CD99L2: variants seen among roughly 807,000 people sequenced by gnomAD.
CD99L2 encodes the protein CD99 molecule like 2.
CD99L2 carries 24 observed loss-of-function variants against 27.3 expected under a neutral mutation model. The ratio of observed to expected loss-of-function variants is 0.88; its 90% CI spans 0.64 to 1.24. CD99L2 has a LOEUF of 1.24. Among genes scored for constraint, CD99L2 ranks in the 50% most tolerant of loss-of-function variants. The pLI, the probability that CD99L2 is intolerant of heterozygous loss-of-function variation, is 0.00. For missense variants in CD99L2, 255 were observed against 221.6 expected (o/e 1.15, Z -0.96); for synonymous variants, 97 against 87.9 (o/e 1.10, Z -0.58).
rs1178796876 is a variant in CD99L2, at chrX:150,800,856, A to G, written c.278-5370T>C. On this transcript the variant is annotated intron_variant, in intron 4 of 10. Transcript: ENST00000370377. ...AGATCAGCCTGACCAGCATGGAGAAACCCTGTCTCTACTAAAAATATAAAA... is the reference window on the plus strand; with the variant it reads ...AGATCAGCCTGACCAGCATGGAGAAGCCCTGTCTCTACTAAAAATATAAAA... Among the ~76,000 whole-genome samples the G allele has an allele frequency of 3.6e-5, 4 of 110,269 alleles. No homozygotes were observed. The East Asian group carries it at 1.1e-3, about 31-fold the overall frequency.
At chrX:150,871,210 T>C (rs1211022902) in intron 1 of CD99L2, among the ~76,000 whole-genome samples, 1 of 111,718 alleles carries the variant, frequency 9.0e-6, no homozygotes, top group Non-Finnish European at 1.9e-5. Context: ...AGGGGAACAG[T>C]TGGTCCTTTT....
chrX:150,801,623 G>A (rs12012611), intron 4 of CD99L2, among the ~76,000 whole-genome samples: 23,341 of 104,580 alleles, frequency 0.22, 2,279 homozygotes, highest in African/African-American at 0.37. Context: ...CCTTATTAAA[G>A]AAAAAAAAAA....
chrX:150,806,541 C>A (rs2045996425), intron 4 of CD99L2, among the ~76,000 whole-genome samples: 1 of 112,425 alleles, frequency 8.9e-6, no homozygotes. Context: ...TCAGGAATAT[C>A]TATTAATTGA....
intron 1 of CD99L2, 38 bp downstream of exon 1, chrX:150,898,479 CGGGGT>C: frequency 9.5e-7 from 1 of 1,054,454 alleles, no homozygotes; most frequent in African/African-American, 2.0e-5. Context: ...GCCCACAAGG[CGGGGT>C]CCCCGCGCGG....
At chrX:150,881,530 C>T (rs1184097173) in intron 1 of CD99L2, among the ~76,000 whole-genome samples, 2 of 112,634 alleles carry the variant, frequency 1.8e-5, no homozygotes, top group South Asian at 7.3e-4. Flanking sequence ...AGTCAGTGCC[C>T]GCATCACCAT....
chrX:150,777,197 G>T, intron 8 of CD99L2: 1 of 415,944 alleles, frequency 2.4e-6, no homozygotes, highest in Non-Finnish European at 4.1e-6. Context: ...TTGCCAGGGT[G>T]AAATTCACAG....
chrX:150,889,576 T>C (rs1398110010), intron 1 of CD99L2, among the ~76,000 whole-genome samples: 1 of 111,806 alleles, frequency 8.9e-6, no homozygotes, highest in African/African-American at 3.3e-5. Context: ...GTGGAGAGTA[T>C]CACCTCTAAT....
intron 7 of CD99L2, among the ~76,000 whole-genome samples, chrX:150,779,187 A>C (rs1439463914): frequency 8.9e-6 from 1 of 112,094 alleles, no homozygotes; most frequent in African/African-American, 3.3e-5. Context: ...GAAGAAACAT[A>C]AACAGGTCGA....
chrX:150,880,007 T>C (rs2047302628), intron 1 of CD99L2, among the ~76,000 whole-genome samples: 1 of 108,024 alleles, frequency 9.3e-6, no homozygotes, highest in Non-Finnish European at 1.9e-5. Context: ...CCATCATGAG[T>C]TACCACTTCA....
intron 1 of CD99L2, among the ~76,000 whole-genome samples, chrX:150,837,091 C>T (rs892013536): frequency 4.5e-5 from 5 of 111,380 alleles, no homozygotes; most frequent in East Asian, 2.8e-4. Flanking sequence ...AACAACACTC[C>T]GTAGCAATGA....
chrX:150,772,145 C>G (rs1358780737), intron 9 of CD99L2, among the ~76,000 whole-genome samples: 1 of 112,277 alleles, frequency 8.9e-6, no homozygotes, highest in African/African-American at 3.2e-5. Context: ...GTGTTTTCAG[C>G]CACCCCACAA....
At chrX:150,788,388 G>A (rs1157957433) in intron 7 of CD99L2, among the ~76,000 whole-genome samples, 1 of 111,406 alleles carries the variant, frequency 9.0e-6, no homozygotes, top group African/African-American at 3.3e-5. Flanking sequence ...TCATGTTCTT[G>A]ATGGTTCTCT....
chrX:150,853,194 C>T (rs2046819664), intron 1 of CD99L2, among the ~76,000 whole-genome samples: 1 of 111,842 alleles, frequency 8.9e-6, no homozygotes, highest in Non-Finnish European at 1.9e-5. Flanking sequence ...CCTAGACATA[C>T]TCCAGCAAGT....
intron 2 of CD99L2, among the ~76,000 whole-genome samples, chrX:150,824,509 G>C (rs1366736745): frequency 1.0e-5 from 1 of 95,438 alleles, no homozygotes. Flanking sequence ...AGAAGAAGAA[G>C]AAGGAAGGAA....
At chrX:150,861,035 G>A (rs1396365835) in intron 1 of CD99L2, among the ~76,000 whole-genome samples, 3 of 106,645 alleles carry the variant, frequency 2.8e-5, no homozygotes, top group Non-Finnish European at 5.8e-5. Context: ...CCAGCTACTC[G>A]GGAGGCTGAG....
chrX:150,807,356 A>G (rs1199390501), intron 4 of CD99L2, among the ~76,000 whole-genome samples: 1 of 111,626 alleles, frequency 9.0e-6, no homozygotes, highest in Non-Finnish European at 1.9e-5. Flanking sequence ...GCCAAAGCAC[A>G]CCAATTGACC....
chrX:150,879,887 T>C (rs1186402282), intron 1 of CD99L2, among the ~76,000 whole-genome samples: 2 of 87,159 alleles, frequency 2.3e-5, no homozygotes, highest in Non-Finnish European at 4.2e-5. Context: ...TTGGTGCCAC[T>C]GCACTCCAGC....
chrX:150,862,226 C>T (rs2046990821), intron 1 of CD99L2, among the ~76,000 whole-genome samples: 2 of 112,160 alleles, frequency 1.8e-5, no homozygotes. Context: ...TTCTCAAGGA[C>T]ATTCCCATTC....
At chrX:150,865,830 A>C (rs2124330657) in intron 1 of CD99L2, among the ~76,000 whole-genome samples, 1 of 112,581 alleles carries the variant, frequency 8.9e-6, no homozygotes, top group East Asian at 2.8e-4. Context: ...TTAAAAACCT[A>C]ATTTAGGGGG....
Sources: gnomAD v4.1 joint callset for allele counts (sites outside exome capture counted in the v4.1 genomes callset) on GRCh38, gnomAD v4.1.1 for gene constraint, MANE v1.5 for transcripts, NCBI Gene and HGNC (gene_info 2026-07-23, HGNC 2026-07-21) for gene names.